EP400: variants seen among roughly 807,000 people sequenced by gnomAD.
EP400 encodes E1A binding protein p400.
EP400 carries 105 observed loss-of-function variants against 354.1 expected under a neutral mutation model. The observed-to-expected ratio is 0.30, with a 90% CI of 0.25 to 0.35. EP400 has a LOEUF of 0.35. Ranked by LOEUF, EP400 falls within the 10% of genes least tolerant of loss-of-function variation. The probability of loss-of-function intolerance (pLI) is 1.00; values close to 1 mark genes in which losing one functional copy is unlikely to be tolerated. For synonymous variants in EP400, 1,646 were observed against 1,716.9 expected (o/e 0.96, Z 1.02); for missense variants, 3,280 against 4,121.0 (o/e 0.80, Z 5.59).
Position 132,067,520 on chromosome 12 carries a change from T to C in EP400, c.8874+34T>C, listed in dbSNP as rs1895931166. 1 of 1,598,680 alleles carries C rather than the reference T, an allele frequency of 6.3e-7. No homozygotes were observed. Among genetic ancestry groups the C allele is most frequent in the Admixed American group, 1.7e-5 (1 of 58,902 alleles). On this transcript the variant is annotated intron_variant, in intron 50 of 52. Transcript: ENST00000389561. The surrounding 1 kb of genome is among the most constrained non-coding windows in gnomAD (Gnocchi z 5.3). Reference sequence around the variant, plus strand: ...GCTAGGGGATTCTCACTTCTGGGTCTATGCCAAGCCAAAGCTGGCTGCTGG... The same window carrying C: ...GCTAGGGGATTCTCACTTCTGGGTCCATGCCAAGCCAAAGCTGGCTGCTGG...
At chr12:132,053,943 T>C (rs1197165574) in intron 43 of EP400, among the ~76,000 whole-genome samples, 1 of 152,228 alleles carries the variant, frequency 6.6e-6, no homozygotes, top group African/African-American at 2.4e-5. Context: ...CCTGACTTCC[T>C]ACACACTTAG....
At chr12:132,000,815 T>C (rs895437932) in intron 12 of EP400, among the ~76,000 whole-genome samples, 1 of 152,248 alleles carries the variant, frequency 6.6e-6, no homozygotes, top group Admixed American at 6.5e-5. Flanking sequence ...TTTTAAGACA[T>C]TCCCAATGGT....
chr12:132,051,626 G>T (rs772360175), intron 41 of EP400, among the ~76,000 whole-genome samples: 5 of 152,190 alleles, frequency 3.3e-5, no homozygotes, highest in African/African-American at 7.2e-5. Context: ...TCACTAATTT[G>T]CTGCTGCTAA....
chr12:132,016,104 C>T (rs1020201528), intron 19 of EP400, among the ~76,000 whole-genome samples: 1 of 152,204 alleles, frequency 6.6e-6, no homozygotes, highest in African/African-American at 2.4e-5. Flanking sequence ...CGGAACCATC[C>T]GTCGTCTCAG....
chr12:131,989,766 A>G (rs1368568740), intron 7 of EP400, among the ~76,000 whole-genome samples, 198 bp from the exon 8 acceptor site: 1 of 152,228 alleles, frequency 6.6e-6, no homozygotes, highest in Non-Finnish European at 1.5e-5. Context: ...ACTTTCTAGA[A>G]AAGTCAAGCT....
chr12:132,076,143 G>A (rs775584606), intron 51 of EP400: 3 of 365,954 alleles, frequency 8.2e-6, no homozygotes, highest in Admixed American at 3.7e-5. Flanking sequence ...TTACTGGAAC[G>A]TCGTCCAGGC....
chr12:132,062,429 A>G, intron 46 of EP400, 37 bp from the exon 47 acceptor site: 1 of 1,610,808 alleles, frequency 6.2e-7, no homozygotes, highest in Non-Finnish European at 8.5e-7. Flanking sequence ...GTGGGCGAGT[A>G]TCCCTGTCCA....
chr12:132,070,459 C>T lies in EP400; in HGVS notation c.9021+818C>T, dbSNP rs971799014. Among the ~76,000 whole-genome samples the T allele has an allele frequency of 3.3e-5, 5 of 152,368 alleles. No homozygotes were observed. The highest frequency in any genetic ancestry group is 4.1e-4 in the South Asian group (2 of 4,834). ...TGTCTCAGAGGCCATGCTGGTCCCA[C>T]GGCGCTCTCGCTATGAGCGGCAGTG... is the stretch of plus-strand genomic sequence containing the variant. On this transcript the variant is annotated intron_variant, in intron 51 of 52. Coordinates refer to ENST00000389561, the MANE Select transcript of EP400 (RefSeq NM_015409.5). The surrounding 1 kb of genome is among the most constrained non-coding windows in gnomAD (Gnocchi z 4.1).
In EP400 at chr12:132,006,192, A is replaced by G. The variant is rs763185263; in HGVS notation, c.3016A>G (p.Lys1006Glu). ...CTCGCTTTTCATCATGGATCAGTTC[A>G]AAGCTGCCGAGAGGATGAATATCGG... is the stretch of plus-strand genomic sequence containing the variant. ...IDSLFIMDQF[K>E]AAERMNIGKP... Residue 1006 changes from lysine to glutamate, a missense_variant, in exon 14 of 53, where the codon AAA becomes GAA. Physicochemically the swap from Lys to Glu is moderately conservative, Grantham distance 56. Coordinates refer to ENST00000389561, the MANE Select transcript of EP400 (RefSeq NM_015409.5). The G allele has an allele frequency of 6.2e-7, 1 of 1,614,248 alleles. No individual in the cohort carries two copies. The highest frequency in any genetic ancestry group is 1.1e-5 in the South Asian group (1 of 91,086).
intron 5 of EP400, among the ~76,000 whole-genome samples, chr12:131,985,437 C>G (rs980842165): frequency 2.0e-5 from 3 of 151,976 alleles, no homozygotes; most frequent in Non-Finnish European, 4.4e-5. Flanking sequence ...GTGGGACGGG[C>G]GCTCAGAGAG....
intron 1 of EP400, among the ~76,000 whole-genome samples, chr12:131,952,027 C>G (rs913064953): frequency 3.3e-4 from 50 of 151,832 alleles, no homozygotes; most frequent in South Asian, 2.5e-3. Flanking sequence ...CTCAGGTGAT[C>G]TGCCCGCCTC....
At position 132,045,714 on chromosome 12, in the gene EP400, T is replaced by C. The variant is rs1163555819; in HGVS notation, c.7027-13T>C. ...GTGTATTCACCTGTTTTACCTGAAA[T>C]CTCCTTCTCTAGGCTGTAAAGCAGT... On this transcript the variant is annotated splice_polypyrimidine_tract_variant and intron_variant, in intron 38 of 52. Coordinates refer to ENST00000389561, the MANE Select transcript of EP400 (RefSeq NM_015409.5). The C allele has an allele frequency of 1.9e-6, 3 of 1,613,852 alleles. No homozygotes were observed. The South Asian group carries it at 3.3e-5, about 18-fold the overall frequency.
At position 132,066,989 on chromosome 12, in the gene EP400, C is replaced by G. The variant is rs749522835; in HGVS notation, c.8749+20C>G. 3 of 1,563,130 alleles carry G rather than the reference C, an allele frequency of 1.9e-6. No homozygotes were observed. The South Asian group carries it at 3.5e-5, about 18-fold the overall frequency. ...CAGCAGGTGCCCGCCCCAGCACACC[C>G]TCCCGTCCTGGGCTTGAGCCTGGTT... On this transcript the variant is annotated intron_variant, in intron 49 of 52. Transcript: ENST00000389561.
intron 1 of EP400, among the ~76,000 whole-genome samples, chr12:131,955,044 A>G (rs1173806029): frequency 2.6e-5 from 4 of 152,168 alleles, no homozygotes; most frequent in African/African-American, 7.2e-5. Context: ...AAAAATTAGG[A>G]GTAAAAATTG....
In EP400 at chr12:132,077,686, G is replaced by A; in HGVS notation, c.*13G>A. On this transcript the variant is annotated 3_prime_UTR_variant, in exon 53 of 53. Coordinates refer to ENST00000389561, the MANE Select transcript of EP400 (RefSeq NM_015409.5). ...TCCGTGCCAGTAGTCAGGGCAGCAG[G>A]GCTGCCTCTCATCTAAAGCAAAACT... The A allele has an allele frequency of 6.3e-7, 1 of 1,577,438 alleles. No homozygotes were observed. The highest frequency in any genetic ancestry group is 8.6e-7 in the Non-Finnish European group (1 of 1,162,456).
chr12:132,028,518 G>C (rs888786967), intron 27 of EP400, among the ~76,000 whole-genome samples: 6 of 152,158 alleles, frequency 3.9e-5, no homozygotes, highest in African/African-American at 1.2e-4. Context: ...GGCAGCCCTG[G>C]GGGCAGAGCC....
At chr12:132,005,447 T>TAA (rs1893548871) in intron 13 of EP400, among the ~76,000 whole-genome samples, 1 of 152,242 alleles carries the variant, frequency 6.6e-6, no homozygotes, top group African/African-American at 2.4e-5. Flanking sequence ...ATCATTGTTT[T>TAA]ATGGACCTAG....
chr12:132,064,903 G>C lies in EP400; in HGVS notation c.8553+17G>C. 1 of 1,586,830 alleles carries C rather than the reference G, an allele frequency of 6.3e-7. No homozygotes were observed. The highest frequency in any genetic ancestry group is 1.3e-5 in the African/African-American group (1 of 74,380). On this transcript the variant is annotated intron_variant, in intron 48 of 52. Coordinates refer to ENST00000389561, the MANE Select transcript of EP400 (RefSeq NM_015409.5). ...GCCCGGCTCGTAAGTGTCAGTTTCT[G>C]TTTGTTTTCCAAAAGCAGCATCTTT...
chr12:132,030,215 C>A, intron 29 of EP400, 57 bp downstream of exon 29: 1 of 1,585,206 alleles, frequency 6.3e-7, no homozygotes, highest in Non-Finnish European at 8.6e-7. Context: ...TGTTGAATGC[C>A]TAAGTGCTGT....
Sources: gnomAD v4.1 joint callset for allele counts (sites outside exome capture counted in the v4.1 genomes callset) on GRCh38, gnomAD v4.1.1 for gene constraint, Gnocchi (gnomAD v3.1) non-coding constraint, MANE v1.5 for transcripts, NCBI Gene and HGNC (gene_info 2026-07-23, HGNC 2026-07-21) for gene names.